RBFOX1: variants seen among roughly 807,000 people sequenced by gnomAD.
RBFOX1 encodes the protein RNA binding protein fox-1 homolog 1.
A neutral mutation model predicts 57.7 loss-of-function variants in RBFOX1; 8 were observed. That is an observed-to-expected ratio of 0.14 (90% CI 0.08 to 0.25). RBFOX1 has a LOEUF of 0.25. Among genes scored for constraint, RBFOX1 ranks in the 10% least tolerant of loss-of-function variants. RBFOX1 has a pLI of 1.00. For missense variants in RBFOX1, 611 were observed against 548.5 expected (o/e 1.11, Z -1.14); for synonymous variants, 326 against 222.4 (o/e 1.47, Z -4.15).
At chr16:5,522,289 G>T (rs1351299211) in intron 2 of RBFOX1, among the ~76,000 whole-genome samples, 1 of 152,176 alleles carries the variant, frequency 6.6e-6, no homozygotes, top group Non-Finnish European at 1.5e-5. Context: ...TCTGTAAAAT[G>T]GGTCTCATAA....
intron 4 of RBFOX1, among the ~76,000 whole-genome samples, chr16:7,346,339 C>T (rs191034335): frequency 1.9e-3 from 281 of 151,864 alleles, no homozygotes; most frequent in African/African-American, 6.5e-3. Context: ...GGCAGAGGAG[C>T]ATTCTACCCA....
intron 1 of RBFOX1, among the ~76,000 whole-genome samples, chr16:5,244,398 G>T (rs529588264): frequency 6.6e-6 from 1 of 152,262 alleles, no homozygotes; most frequent in African/African-American, 2.4e-5. Context: ...CATCCGCCTG[G>T]TTCTCAGGGT....
chr16:6,363,080 A>G (rs996723466), intron 2 of RBFOX1, among the ~76,000 whole-genome samples: 16 of 152,296 alleles, frequency 1.1e-4, no homozygotes, highest in South Asian at 4.2e-4. Context: ...TTGAAATTCT[A>G]CCAGAAGAAT....
At chr16:5,284,321 A>G (rs1185050171) in intron 1 of RBFOX1, among the ~76,000 whole-genome samples, 3 of 151,992 alleles carry the variant, frequency 2.0e-5, no homozygotes, top group Non-Finnish European at 1.5e-5. Context: ...CTCATTATTT[A>G]TGGTTGCAGT....
intron 5 of RBFOX1, among the ~76,000 whole-genome samples, chr16:7,521,574 T>C (rs2077519358): frequency 6.6e-6 from 1 of 152,218 alleles, no homozygotes; most frequent in Admixed American, 6.5e-5. Context: ...CCCCAGGCAC[T>C]GCAGCAAGAT....
intron 4 of RBFOX1, among the ~76,000 whole-genome samples, chr16:7,273,335 C>G (rs1461184563): frequency 2.0e-5 from 3 of 150,882 alleles, no homozygotes; most frequent in African/African-American, 4.9e-5. Context: ...TCTGCTGTGT[C>G]TTTAGGATGC....
At chr16:5,398,124 A>G (rs2066613466) in intron 1 of RBFOX1, among the ~76,000 whole-genome samples, 3 of 152,222 alleles carry the variant, frequency 2.0e-5, no homozygotes, top group Admixed American at 2.0e-4. Flanking sequence ...CCATCAAGAA[A>G]GCCTTTCCTG....
intron 1 of RBFOX1, among the ~76,000 whole-genome samples, chr16:5,344,701 A>G (rs2065103213): frequency 6.6e-6 from 1 of 152,178 alleles, no homozygotes; most frequent in African/African-American, 2.4e-5. Context: ...TGCATTCCAA[A>G]TTATATCCAT....
chr16:7,503,583 C>G (rs2071726765), intron 4 of RBFOX1, among the ~76,000 whole-genome samples: 1 of 152,174 alleles, frequency 6.6e-6, no homozygotes, highest in Non-Finnish European at 1.5e-5. Flanking sequence ...GAATTTGACA[C>G]TGATGTTACT....
At chr16:7,687,947 G>A (rs2076417918) in intron 14 of RBFOX1, among the ~76,000 whole-genome samples, 1 of 152,024 alleles carries the variant, frequency 6.6e-6, no homozygotes, top group African/African-American at 2.4e-5. Context: ...CACTCTCAAA[G>A]ATGCTCAAGT....
chr16:5,334,814 A>G lies in RBFOX1; in HGVS notation c.219+94709A>G, dbSNP rs140805744. On this transcript the variant is annotated intron_variant, in intron 1 of 2. Transcript: ENST00000585867. ...TTGTCCTTAAGCTTAAAGTTGGACAATGACCACAGTTGGCCATCTTTAAGC... is the reference window on the plus strand; with the variant it reads ...TTGTCCTTAAGCTTAAAGTTGGACAGTGACCACAGTTGGCCATCTTTAAGC... Among the ~76,000 whole-genome samples, 84 of 151,744 alleles carry G rather than the reference A, an allele frequency of 5.5e-4. 1 individual carries two copies. The East Asian group carries it at 0.012, about 21-fold the overall frequency.
intron 3 of RBFOX1, among the ~76,000 whole-genome samples, chr16:6,844,851 T>G (rs1203742671): frequency 6.6e-6 from 1 of 152,156 alleles, no homozygotes; most frequent in Non-Finnish European, 1.5e-5. Flanking sequence ...AGCACCTGTT[T>G]TTTAATATTT....
chr16:6,034,912 G>A (rs980147644), intron 1 of RBFOX1, among the ~76,000 whole-genome samples: 7 of 147,912 alleles, frequency 4.7e-5, no homozygotes, highest in African/African-American at 1.8e-4. Flanking sequence ...GTCACACTCA[G>A]GGCCTCTAGG....
intron 3 of RBFOX1, among the ~76,000 whole-genome samples, chr16:5,829,431 G>A (rs368045763): frequency 6.6e-6 from 1 of 152,178 alleles, no homozygotes; most frequent in African/African-American, 2.4e-5. Context: ...AATCATCTGG[G>A]GAAGAAATAA....
At chr16:5,948,007 T>G (rs1347662440) in intron 4 of RBFOX1, among the ~76,000 whole-genome samples, 1 of 152,180 alleles carries the variant, frequency 6.6e-6, no homozygotes, top group Non-Finnish European at 1.5e-5. Context: ...TGTTCATACA[T>G]TTTCATGGCA....
chr16:6,826,166 G>C (rs937415617), intron 3 of RBFOX1, among the ~76,000 whole-genome samples: 1 of 152,052 alleles, frequency 6.6e-6, no homozygotes, highest in Non-Finnish European at 1.5e-5. Context: ...GAGAAGACAG[G>C]ACTCATCGTC....
chr16:5,377,529 A>C (rs1456242166), intron 1 of RBFOX1, among the ~76,000 whole-genome samples: 1 of 145,366 alleles, frequency 6.9e-6, no homozygotes, highest in Non-Finnish European at 1.5e-5. Flanking sequence ...GGGGAGGAAG[A>C]AGGACGGAGG....
In RBFOX1 at chr16:7,084,469, G is replaced by C. The variant is rs1038120185; in HGVS notation, c.27+32371G>C. ...GACCTAGTAATGTCTTACTTAGAGA[G>C]ATCCATTCTTTCCTTTAGCTGATTT... On this transcript the variant is annotated intron_variant, in intron 4 of 15. Transcript: ENST00000550418. 3.3e-5 allele frequency among the ~76,000 whole-genome samples: 5 copies of C among 152,288 alleles called. No homozygotes were observed. The East Asian group carries it at 5.8e-4, about 18-fold the overall frequency.
At chr16:6,907,739 T>A (rs1484345163) in intron 3 of RBFOX1, among the ~76,000 whole-genome samples, 1 of 146,080 alleles carries the variant, frequency 6.8e-6, no homozygotes, top group Non-Finnish European at 1.6e-5. Flanking sequence ...CTTGGCTTAT[T>A]TTTTTGCATT....
Sources: allele counts gnomAD v4.1 joint callset (sites outside exome capture counted in the v4.1 genomes callset), GRCh38; gene constraint gnomAD v4.1.1; transcripts MANE v1.5; gene names NCBI Gene and HGNC (gene_info 2026-07-23, HGNC 2026-07-21).